CNTNAP2: variants seen among roughly 807,000 people sequenced by gnomAD.
CNTNAP2 encodes the protein contactin associated protein 2.
A neutral mutation model predicts 155.2 loss-of-function variants in CNTNAP2; 98 were observed. The ratio of observed to expected loss-of-function variants is 0.63; its 90% confidence interval spans 0.54 to 0.75. CNTNAP2 has a LOEUF of 0.75. Ranked by LOEUF, CNTNAP2 falls within the 30% of genes least tolerant of loss-of-function variation. The pLI, the probability that CNTNAP2 is intolerant of heterozygous loss-of-function variation, is 0.00. For missense variants in CNTNAP2, 1,727 were observed against 1,688.1 expected (o/e 1.02, Z -0.40); for synonymous variants, 651 against 631.2 (o/e 1.03, Z -0.47).
At chr7:146,245,249 A>T (rs1436471529) in intron 1 of CNTNAP2, among the ~76,000 whole-genome samples, 1 of 152,078 alleles carries the variant, frequency 6.6e-6, no homozygotes, top group Non-Finnish European at 1.5e-5. Flanking sequence ...TGGTATCAGG[A>T]ATAATGTGGG....
At chr7:146,763,627 G>A (rs1802143263) in intron 1 of CNTNAP2, among the ~76,000 whole-genome samples, 1 of 152,008 alleles carries the variant, frequency 6.6e-6, no homozygotes, top group Non-Finnish European at 1.5e-5. Flanking sequence ...GTTAATTGAA[G>A]AACATTTCCA....
At chr7:147,367,477 AC>A (rs138343946) in intron 9 of CNTNAP2, among the ~76,000 whole-genome samples, 2,965 of 152,256 alleles carry the variant, frequency 0.019, 94 homozygotes, top group African/African-American at 0.068. Flanking sequence ...GCAAAAGAGA[AC>A]TTTTAAAATT....
chr7:148,224,902 T>C (rs1206656676), intron 19 of CNTNAP2, among the ~76,000 whole-genome samples: 1 of 152,172 alleles, frequency 6.6e-6, no homozygotes, highest in African/African-American at 2.4e-5. Flanking sequence ...ACTCAGTCAC[T>C]ATCATGAGAA....
At chr7:147,148,457 A>C (rs1430368254) in intron 8 of CNTNAP2, among the ~76,000 whole-genome samples, 1 of 152,006 alleles carries the variant, frequency 6.6e-6, no homozygotes, top group Non-Finnish European at 1.5e-5. Flanking sequence ...AGAAAAAGTC[A>C]CGCTTGGATA....
chr7:148,318,363 T>C (rs1309330677), intron 21 of CNTNAP2, among the ~76,000 whole-genome samples: 1 of 152,198 alleles, frequency 6.6e-6, no homozygotes, highest in Non-Finnish European at 1.5e-5. Flanking sequence ...GTGCATATGA[T>C]GGGTGTTAAT....
intron 1 of CNTNAP2, among the ~76,000 whole-genome samples, chr7:146,290,006 A>T (rs1025327643): frequency 1.5e-4 from 23 of 152,216 alleles, no homozygotes; most frequent in Admixed American, 1.4e-3. Flanking sequence ...TTGCTGGCAG[A>T]ATAAGAAAAA....
chr7:146,716,381 T>TAAAA, intron 1 of CNTNAP2, among the ~76,000 whole-genome samples: 2 of 147,028 alleles, frequency 1.4e-5, no homozygotes, highest in African/African-American at 5.4e-5. Flanking sequence ...TTAAAAAAAC[T>TAAAA]CAAAACAAAA....
intron 1 of CNTNAP2, among the ~76,000 whole-genome samples, chr7:146,590,719 C>T (rs915117784): frequency 8.5e-5 from 13 of 152,100 alleles, no homozygotes; most frequent in Non-Finnish European, 1.8e-4. Flanking sequence ...TCTCAGCCTC[C>T]CTGAGCTGTG....
chr7:148,396,930 A>G (rs1799481313), intron 22 of CNTNAP2, among the ~76,000 whole-genome samples: 1 of 152,236 alleles, frequency 6.6e-6, no homozygotes, highest in Non-Finnish European at 1.5e-5. Context: ...ATTGTTTTGG[A>G]AATTCCCCTT....
At chr7:146,383,809 A>T (rs1293107408) in intron 1 of CNTNAP2, among the ~76,000 whole-genome samples, 1 of 152,224 alleles carries the variant, frequency 6.6e-6, no homozygotes, top group Admixed American at 6.5e-5. Context: ...GATGTTAACT[A>T]TCACTATGAA....
intron 11 of CNTNAP2, 125 bp downstream of exon 11, chr7:147,486,166 G>T: frequency 1.5e-6 from 1 of 672,894 alleles, no homozygotes; most frequent in East Asian, 2.8e-5. Flanking sequence ...GAAAAACCAA[G>T]ATTCCAATTG....
chr7:147,087,901 C>T (rs553033947), intron 4 of CNTNAP2, among the ~76,000 whole-genome samples: 14 of 152,140 alleles, frequency 9.2e-5, no homozygotes, highest in African/African-American at 2.9e-4. Flanking sequence ...CCCTTGAACC[C>T]GGGAGGTAGA....
At chr7:147,388,688 C>A (rs888474064) in intron 9 of CNTNAP2, among the ~76,000 whole-genome samples, 2 of 152,040 alleles carry the variant, frequency 1.3e-5, no homozygotes, top group Non-Finnish European at 2.9e-5. Flanking sequence ...TCAAGCGTTT[C>A]TCCTGCCTCA....
At chr7:147,683,193 C>T (rs1795972405) in intron 13 of CNTNAP2, among the ~76,000 whole-genome samples, 1 of 151,836 alleles carries the variant, frequency 6.6e-6, no homozygotes, top group Non-Finnish European at 1.5e-5. Flanking sequence ...TTCACCTGTA[C>T]TCTGTGTATT....
rs2116736703 is a variant in CNTNAP2, at chr7:148,418,610, G to A, written c.*2994G>A. 1 of 152,316 alleles carries A rather than the reference G, an allele frequency of 6.6e-6. No homozygotes were observed. Among genetic ancestry groups the A allele is most frequent in the Middle Eastern group, 3.4e-3 (1 of 294 alleles). The allele number at this position is 152,316 out of a possible 1,614,324, so 9.4% of individuals were successfully genotyped here. A position where few individuals can be genotyped will look rare whatever the true frequency, so the allele number is the denominator to read the frequency against. On this transcript the variant is annotated 3_prime_UTR_variant, in exon 24 of 24. Transcript: ENST00000361727. ...AGTGAGATCCTAAGCTCTCAAAATAGCATATTCCCTAGAGCTCAAGAAAGC... is the reference window on the plus strand; with the variant it reads ...AGTGAGATCCTAAGCTCTCAAAATAACATATTCCCTAGAGCTCAAGAAAGC...
At chr7:146,937,551 G>C (rs1186067768) in intron 3 of CNTNAP2, among the ~76,000 whole-genome samples, 1 of 151,964 alleles carries the variant, frequency 6.6e-6, no homozygotes, top group African/African-American at 2.4e-5. Flanking sequence ...TTCTCACAGG[G>C]GCACTTGCCT....
chr7:147,335,417 A>T (rs1445701756), intron 9 of CNTNAP2, among the ~76,000 whole-genome samples: 1 of 152,168 alleles, frequency 6.6e-6, no homozygotes, highest in Non-Finnish European at 1.5e-5. Context: ...AACTTATTTC[A>T]TTTTTAGTAA....
intron 14 of CNTNAP2, among the ~76,000 whole-genome samples, chr7:147,926,463 C>T (rs1331056100): frequency 6.6e-6 from 1 of 152,040 alleles, no homozygotes; most frequent in Non-Finnish European, 1.5e-5. Context: ...CTTTTAATAC[C>T]TTCACATACA....
At chr7:147,982,807 C>T (rs570164272) in intron 15 of CNTNAP2, among the ~76,000 whole-genome samples, 14 of 152,108 alleles carry the variant, frequency 9.2e-5, no homozygotes, top group Admixed American at 6.5e-4. Flanking sequence ...CACTTGAGGT[C>T]AGGAGTTCGA....
Sources: allele counts gnomAD v4.1 joint callset (sites outside exome capture counted in the v4.1 genomes callset), GRCh38; gene constraint gnomAD v4.1.1; transcripts MANE v1.5; gene names NCBI Gene and HGNC (gene_info 2026-07-23, HGNC 2026-07-21).